The following POFUT3 variants were observed in gnomAD, a reference collection of about 807,000 sequenced individuals.
POFUT3 encodes the protein GDP-fucose protein O-fucosyltransferase 3.
the POFUT3 span, among the ~76,000 whole-genome samples, chr8:33,376,023 A>C: frequency 1.4e-5 from 1 of 72,560 alleles, no homozygotes; most frequent in Non-Finnish European, 2.4e-5. Context: ...TCTCAAAAAG[A>C]AAAAAAAAAA....
At chr8:33,403,115 G>A in the POFUT3 span, among the ~76,000 whole-genome samples, 4 of 151,824 alleles carry the variant, frequency 2.6e-5, no homozygotes, top group African/African-American at 7.3e-5. Context: ...ACTCAATAAC[G>A]AGAAATTCTA....
chr8:33,368,413 G>A, the POFUT3 span, among the ~76,000 whole-genome samples: 1 of 152,178 alleles, frequency 6.6e-6, no homozygotes, highest in African/African-American at 2.4e-5. Context: ...ATATAGATGA[G>A]GCCACATTTT....
the POFUT3 span, among the ~76,000 whole-genome samples, chr8:33,435,774 C>A: frequency 6.6e-6 from 1 of 152,124 alleles, no homozygotes; most frequent in Admixed American, 6.5e-5. Flanking sequence ...CCTCGGCCTC[C>A]CAAAGTGCTG....
At chr8:33,471,132 T>C in the POFUT3 span, among the ~76,000 whole-genome samples, 1 of 152,204 alleles carries the variant, frequency 6.6e-6, no homozygotes, top group African/African-American at 2.4e-5. Context: ...TTCAGAAACA[T>C]TGTAACAAAT....
At chr8:33,434,857 G>A in the POFUT3 span, among the ~76,000 whole-genome samples, 1 of 152,198 alleles carries the variant, frequency 6.6e-6, no homozygotes, top group East Asian at 1.9e-4. Context: ...GCCTCCTGGG[G>A]TCTTCCCTGC....
the POFUT3 span, among the ~76,000 whole-genome samples, chr8:33,467,743 T>G: frequency 1.3e-5 from 2 of 152,122 alleles, no homozygotes; most frequent in African/African-American, 4.8e-5. Flanking sequence ...TCAACTGTAT[T>G]TTGAATTAAG....
the POFUT3 span, among the ~76,000 whole-genome samples, chr8:33,397,597 G>A: frequency 1.3e-5 from 2 of 152,274 alleles, no homozygotes; most frequent in Non-Finnish European, 2.9e-5. Context: ...AAGTCAGTTC[G>A]GAGTCCCAGA....
chr8:33,387,349 A>T, the POFUT3 span, among the ~76,000 whole-genome samples: 1 of 152,232 alleles, frequency 6.6e-6, no homozygotes, highest in Non-Finnish European at 1.5e-5. Context: ...CAAATATTTT[A>T]AATTTGTCTA....
At chr8:33,358,443 A>G in the POFUT3 span, among the ~76,000 whole-genome samples, 1 of 152,186 alleles carries the variant, frequency 6.6e-6, no homozygotes, top group African/African-American at 2.4e-5. Flanking sequence ...AAAAAGAAAT[A>G]TAGCAAATCA....
chr8:33,326,549 T>C, the POFUT3 span, among the ~76,000 whole-genome samples: 230 of 152,320 alleles, frequency 1.5e-3, 3 homozygotes, highest in African/African-American at 5.3e-3. Context: ...TTGTTAAATG[T>C]CTACTTCCTA....
At chr8:33,443,783 A>G in the POFUT3 span, among the ~76,000 whole-genome samples, 2 of 152,008 alleles carry the variant, frequency 1.3e-5, no homozygotes, top group Non-Finnish European at 1.5e-5. Context: ...ATGAGCCACT[A>G]CATCAGGCCT....
the POFUT3 span, among the ~76,000 whole-genome samples, chr8:33,394,436 C>G: frequency 1.3e-5 from 2 of 152,096 alleles, no homozygotes; most frequent in Non-Finnish European, 2.9e-5. Flanking sequence ...AGTCTTACCC[C>G]TCTTTACCCA....
the POFUT3 span, among the ~76,000 whole-genome samples, chr8:33,340,595 A>T: frequency 1.3e-5 from 2 of 152,190 alleles, no homozygotes; most frequent in African/African-American, 4.8e-5. Flanking sequence ...TTTAAAAAAA[A>T]GATATATCAT....
the POFUT3 span, among the ~76,000 whole-genome samples, chr8:33,424,768 G>C: frequency 6.6e-6 from 1 of 152,076 alleles, no homozygotes; most frequent in East Asian, 1.9e-4. Context: ...AGATAAACTA[G>C]AGGCCTCTAC....
At chr8:33,469,898 C>T in the POFUT3 span, among the ~76,000 whole-genome samples, 4 of 139,530 alleles carry the variant, frequency 2.9e-5, no homozygotes, top group South Asian at 2.3e-4. Context: ...CGAGTTCAGG[C>T]GATTCTCCTG....
chr8:33,453,532 A>T, the POFUT3 span: 3 of 1,562,526 alleles, frequency 1.9e-6, no homozygotes, highest in African/African-American at 1.4e-5. Flanking sequence ...GACAATTATT[A>T]TCAGTGTCAA....
At chr8:33,399,201 G>A in the POFUT3 span, among the ~76,000 whole-genome samples, 3 of 152,116 alleles carry the variant, frequency 2.0e-5, no homozygotes, top group Non-Finnish European at 4.4e-5. Flanking sequence ...TCTGTACTGT[G>A]CTCTATACAT....
the POFUT3 span, among the ~76,000 whole-genome samples, chr8:33,394,716 A>G: frequency 1.8e-4 from 28 of 152,108 alleles, no homozygotes; most frequent in African/African-American, 5.1e-4. Context: ...CAATGTGCCA[A>G]TGCTCATATA....
At chr8:33,436,268 G>T in the POFUT3 span, 2 of 1,359,850 alleles carry the variant, frequency 1.5e-6, no homozygotes, top group Non-Finnish European at 1.0e-6. Context: ...CGGAATTTCA[G>T]CCCACACACA....
Sources: allele counts gnomAD v4.1 joint callset (sites outside exome capture counted in the v4.1 genomes callset), GRCh38; gene constraint gnomAD v4.1.1; transcripts MANE v1.5; gene names NCBI Gene and HGNC (gene_info 2026-07-23, HGNC 2026-07-21).